NRCAM: variants seen among roughly 807,000 people sequenced by gnomAD.
The protein encoded by NRCAM is neuronal cell adhesion molecule, also known as NgCAM-related cell adhesion molecule.
Under a neutral mutation model 156.5 loss-of-function variants are expected in NRCAM, and 83 were observed. The ratio of observed to expected loss-of-function variants is 0.53; its 90% CI spans 0.44 to 0.64. The LOEUF (loss-of-function observed/expected upper bound fraction) is 0.64. Among genes scored for constraint, NRCAM ranks in the 30% least tolerant of loss-of-function variants. The probability of loss-of-function intolerance (pLI) is 0.00; values close to 1 mark genes in which losing one functional copy is unlikely to be tolerated. For synonymous variants in NRCAM, 538 were observed against 563.9 expected (o/e 0.95, Z 0.65); for missense variants, 1,417 against 1,597.3 (o/e 0.89, Z 1.92).
intron 1 of NRCAM, among the ~76,000 whole-genome samples, chr7:108,428,284 C>T (rs897740735): frequency 2.6e-5 from 4 of 152,046 alleles, no homozygotes; most frequent in African/African-American, 7.2e-5. Context: ...AAACAGCTAG[C>T]ATGGTGAAAA....
intron 1 of NRCAM, among the ~76,000 whole-genome samples, chr7:108,442,829 T>C (rs1021522957): frequency 6.6e-6 from 1 of 152,256 alleles, no homozygotes; most frequent in African/African-American, 2.4e-5. Flanking sequence ...TCTCTGCTCC[T>C]GTCTAGGGCC....
intron 2 of NRCAM, among the ~76,000 whole-genome samples, chr7:108,329,883 TGAAAA>T (rs1162053380): frequency 6.6e-6 from 1 of 152,142 alleles, no homozygotes; most frequent in Non-Finnish European, 1.5e-5. Flanking sequence ...AATAAAAACT[TGAAAA>T]ATGGAAATCA....
At chr7:108,417,533 G>A (rs988379875) in intron 1 of NRCAM, among the ~76,000 whole-genome samples, 2 of 152,164 alleles carry the variant, frequency 1.3e-5, no homozygotes, top group Non-Finnish European at 1.5e-5. Context: ...ATTTCAACGC[G>A]AATTTTGGAG....
chr7:108,166,239 CTTTCTTTTCT>C (rs1231847068), intron 30 of NRCAM, among the ~76,000 whole-genome samples: 1 of 144,706 alleles, frequency 6.9e-6, no homozygotes, highest in Non-Finnish European at 1.5e-5. Flanking sequence ...TTGTGACTTT[CTTTCTTTTCT>C]TTTTTTTTTT....
In NRCAM at chr7:108,197,960, C is replaced by A. The variant is rs752710971; in HGVS notation, c.1347G>T (p.Val449=). Residue 449 remains valine (V), a synonymous_variant, in exon 14 of 33, where the codon GTG becomes GTT. Transcript: ENST00000379028. Reference sequence around the variant, plus strand: ...TTTAATAAAATGAGAGCTTACCCAGCACATTTACAAATGCGTTTGCCAGTA... The same window carrying A: ...TTTAATAAAATGAGAGCTTACCCAGAACATTTACAAATGCGTTTGCCAGTA... The part of the protein sequence containing the change: ...GYLLANAFVN[V]LAEPPRILTP... The A allele has an allele frequency of 3.8e-6, 6 of 1,569,356 alleles. No individual in the cohort carries two copies. In the East Asian group the frequency reaches 1.4e-4, roughly 36 times the overall value.
At chr7:108,369,459 A>C (rs1382079672) in intron 2 of NRCAM, among the ~76,000 whole-genome samples, 1 of 152,126 alleles carries the variant, frequency 6.6e-6, no homozygotes, top group African/African-American at 2.4e-5. Flanking sequence ...TCACTTTTTA[A>C]ATTCATTTAA....
chr7:108,172,310 G>A (rs983326489), intron 28 of NRCAM, among the ~76,000 whole-genome samples: 3 of 151,856 alleles, frequency 2.0e-5, no homozygotes, highest in African/African-American at 4.8e-5. Flanking sequence ...ATGGAGTCTC[G>A]TTCTGTCGCC....
intron 12 of NRCAM, 24 bp downstream of exon 12, chr7:108,209,397 A>G: frequency 6.6e-7 from 1 of 1,504,692 alleles, no homozygotes; most frequent in Non-Finnish European, 8.9e-7. Context: ...TGAAGGCAAG[A>G]AGAATGGATT....
At chr7:108,306,892 A>C (rs1418777113) in intron 3 of NRCAM, among the ~76,000 whole-genome samples, 1 of 152,200 alleles carries the variant, frequency 6.6e-6, no homozygotes. Context: ...ACTGTACTCC[A>C]TAAGTATTTT....
At chr7:108,222,774 G>A (rs541521836) in intron 11 of NRCAM, among the ~76,000 whole-genome samples, 7 of 152,292 alleles carry the variant, frequency 4.6e-5, no homozygotes, top group African/African-American at 1.7e-4. Flanking sequence ...TCACATGTGA[G>A]GGCAGCACGT....
At chr7:108,260,155 A>T in intron 3 of NRCAM, among the ~76,000 whole-genome samples, 1 of 152,012 alleles carries the variant, frequency 6.6e-6, no homozygotes, top group East Asian at 1.9e-4. Flanking sequence ...CGTTTCTCAA[A>T]CCATTTCTAA....
intron 1 of NRCAM, among the ~76,000 whole-genome samples, chr7:108,440,315 T>G (rs1489214596): frequency 6.6e-6 from 1 of 152,164 alleles, no homozygotes. Context: ...AGTTGTAAAA[T>G]ATATTTTACA....
At chr7:108,328,678 T>C (rs961679640) in intron 2 of NRCAM, 2 of 152,182 alleles carry the variant, frequency 1.3e-5, no homozygotes, top group Non-Finnish European at 2.9e-5. Flanking sequence ...TTTCTTCGTA[T>C]CCATTTAGAA....
At chr7:108,218,768 C>T (rs1408102125) in intron 11 of NRCAM, among the ~76,000 whole-genome samples, 1 of 152,048 alleles carries the variant, frequency 6.6e-6, no homozygotes, top group South Asian at 2.1e-4. Context: ...TGAAAGGGCA[C>T]AAACTGACAT....
intron 22 of NRCAM, among the ~76,000 whole-genome samples, chr7:108,183,158 T>C (rs1359884184): frequency 6.6e-6 from 1 of 152,244 alleles, no homozygotes; most frequent in Non-Finnish European, 1.5e-5. Flanking sequence ...GCAATAAATA[T>C]CACATAAACC....
At chr7:108,394,266 A>G (rs1418844440) in intron 2 of NRCAM, among the ~76,000 whole-genome samples, 9 of 152,204 alleles carry the variant, frequency 5.9e-5, no homozygotes, top group Admixed American at 2.0e-4. Flanking sequence ...TGCTTCAGTC[A>G]GGAAAGGGCA....
chr7:108,274,456 A>G (rs2097513811), intron 3 of NRCAM, among the ~76,000 whole-genome samples: 1 of 151,548 alleles, frequency 6.6e-6, no homozygotes, highest in Admixed American at 6.6e-5. Flanking sequence ...GTCCTTCACT[A>G]CTCTTGTAAG....
chr7:108,203,266 G>A (rs2079145779), intron 13 of NRCAM, among the ~76,000 whole-genome samples: 1 of 152,082 alleles, frequency 6.6e-6, no homozygotes, highest in African/African-American at 2.4e-5. Flanking sequence ...TCTGACTTCT[G>A]TAGATTGTTT....
intron 13 of NRCAM, among the ~76,000 whole-genome samples, chr7:108,204,808 C>G (rs1197707037): frequency 6.6e-6 from 1 of 152,136 alleles, no homozygotes; most frequent in African/African-American, 2.4e-5. Context: ...ATGAGCTGAT[C>G]TGATTTGAGA....
Sources: allele counts gnomAD v4.1 joint callset (sites outside exome capture counted in the v4.1 genomes callset), GRCh38; gene constraint gnomAD v4.1.1; transcripts MANE v1.5; gene names NCBI Gene and HGNC (gene_info 2026-07-23, HGNC 2026-07-21).